Variants in RAB3C observed in about 807,000 individuals in gnomAD.
RAB3C encodes the protein ras-related protein Rab-3C.
A neutral mutation model predicts 26.4 loss-of-function variants in RAB3C; 17 were observed. The observed-to-expected ratio is 0.64, with a 90% CI of 0.44 to 0.97. The LOEUF is 0.97. RAB3C is among the 50% of genes least tolerant of loss of function. The probability of loss-of-function intolerance (pLI) is 0.00; values close to 1 mark genes in which losing one functional copy is unlikely to be tolerated. For missense variants in RAB3C, 242 were observed against 281.9 expected (o/e 0.86, Z 1.01); for synonymous variants, 91 against 95.9 (o/e 0.95, Z 0.30).
At chr5:58,698,151 C>G (rs1026392726) in intron 2 of RAB3C, among the ~76,000 whole-genome samples, 2 of 152,136 alleles carry the variant, frequency 1.3e-5, no homozygotes, top group Non-Finnish European at 2.9e-5. Flanking sequence ...ATTTGCTTGT[C>G]TGTAAAGGAT....
intron 3 of RAB3C, among the ~76,000 whole-genome samples, chr5:58,765,679 A>G (rs1741886360): frequency 6.6e-6 from 1 of 152,218 alleles, no homozygotes; most frequent in South Asian, 2.1e-4. Context: ...CTTTTAATGG[A>G]CATAAAATAT....
intron 4 of RAB3C, among the ~76,000 whole-genome samples, chr5:58,844,511 C>T (rs984748828): frequency 6.6e-6 from 1 of 152,176 alleles, no homozygotes; most frequent in Non-Finnish European, 1.5e-5. Context: ...TGGGCTGGGG[C>T]CCAGTAGAGG....
At chr5:58,611,269 T>C (rs1370345700) in intron 1 of RAB3C, among the ~76,000 whole-genome samples, 4 of 152,210 alleles carry the variant, frequency 2.6e-5, no homozygotes, top group Non-Finnish European at 4.4e-5. Flanking sequence ...CTGGGTCTAA[T>C]GGCATTTCTG....
intron 3 of RAB3C, among the ~76,000 whole-genome samples, chr5:58,746,359 CAGGACAACAA>C (rs1741403551): frequency 6.6e-6 from 1 of 152,128 alleles, no homozygotes; most frequent in Non-Finnish European, 1.5e-5. Context: ...CTTGGGGCTT[CAGGACAACAA>C]AGAACATCAC....
intron 3 of RAB3C, among the ~76,000 whole-genome samples, chr5:58,773,134 T>C (rs548594321): frequency 7.2e-5 from 11 of 152,296 alleles, no homozygotes; most frequent in African/African-American, 2.4e-4. Flanking sequence ...TAAGCCAACC[T>C]AGCTCAGCTT....
chr5:58,667,126 A>G (rs1168394157), intron 2 of RAB3C, among the ~76,000 whole-genome samples: 1 of 152,296 alleles, frequency 6.6e-6, no homozygotes, highest in Non-Finnish European at 1.5e-5. Context: ...TATCATATCA[A>G]TTGGAAACAA....
At chr5:58,639,392 A>C (rs1479210540) in intron 2 of RAB3C, among the ~76,000 whole-genome samples, 2 of 152,176 alleles carry the variant, frequency 1.3e-5, no homozygotes, top group Non-Finnish European at 2.9e-5. Flanking sequence ...CAAACAACAA[A>C]AATTATTTTC....
At chr5:58,584,630 A>G (rs1302380934) in intron 1 of RAB3C, among the ~76,000 whole-genome samples, 1 of 152,198 alleles carries the variant, frequency 6.6e-6, no homozygotes, top group East Asian at 1.9e-4. Flanking sequence ...GTAAACACTA[A>G]TTGTAGACTT....
chr5:58,781,391 A>G (rs1177096207), intron 3 of RAB3C, among the ~76,000 whole-genome samples: 2 of 152,014 alleles, frequency 1.3e-5, no homozygotes, highest in Admixed American at 1.3e-4. Flanking sequence ...TGTATTTCTG[A>G]GCATTTCCTT....
chr5:58,619,031 T>TA (rs1297105005), intron 2 of RAB3C, among the ~76,000 whole-genome samples: 2 of 152,160 alleles, frequency 1.3e-5, no homozygotes, highest in Non-Finnish European at 2.9e-5. Flanking sequence ...TAAAAATCTG[T>TA]ATAAACTGAA....
chr5:58,673,670 G>A (rs942554188), intron 2 of RAB3C, among the ~76,000 whole-genome samples: 4 of 152,294 alleles, frequency 2.6e-5, no homozygotes, highest in East Asian at 3.9e-4. Flanking sequence ...CATGGTTGAC[G>A]TGTGTGGTGT....
chr5:58,732,957 T>G (rs950378260), intron 3 of RAB3C, among the ~76,000 whole-genome samples: 6 of 152,188 alleles, frequency 3.9e-5, no homozygotes, highest in Admixed American at 2.0e-4. Context: ...CAAGCTAATT[T>G]ATTGTCATCA....
At chr5:58,631,779 A>G (rs980789888) in intron 2 of RAB3C, among the ~76,000 whole-genome samples, 2 of 152,226 alleles carry the variant, frequency 1.3e-5, no homozygotes, top group Admixed American at 6.5e-5. Flanking sequence ...ATTAACCTTC[A>G]GGTTAAGACA....
intron 3 of RAB3C, among the ~76,000 whole-genome samples, chr5:58,812,285 C>T (rs1048850256): frequency 6.6e-6 from 1 of 152,138 alleles, no homozygotes; most frequent in African/African-American, 2.4e-5. Flanking sequence ...ACTCCCACCT[C>T]TCCACTTCCC....
rs140464041 is a variant in RAB3C, at chr5:58,766,415, C to A, written c.371+40295C>A. ...ACAGGCATGAGCCACCGCACCTAGC[C>A]GAGTAGTTCTTTGTAGCAATGTGAG... On this transcript the variant is annotated intron_variant, in intron 3 of 4. Transcript: ENST00000282878. Among the ~76,000 whole-genome samples, 547 of 152,212 alleles carry A rather than the reference C, an allele frequency of 3.6e-3. 2 individuals are homozygous for A. The highest frequency in any genetic ancestry group is 0.012 in the African/African-American group (498 of 41,536).
chr5:58,717,254 G>T (rs890484657), intron 2 of RAB3C, among the ~76,000 whole-genome samples: 2 of 152,040 alleles, frequency 1.3e-5, no homozygotes, highest in Non-Finnish European at 2.9e-5. Flanking sequence ...TATTCTCAGC[G>T]ACTGGTAGTA....
At chr5:58,826,673 T>C (rs542197446) in intron 4 of RAB3C, among the ~76,000 whole-genome samples, 28 of 152,330 alleles carry the variant, frequency 1.8e-4, no homozygotes, top group African/African-American at 6.5e-4. Flanking sequence ...CTTGATGAGA[T>C]TCACTCTGTT....
At chr5:58,720,165 CTTGAG>C (rs1260252323) in intron 2 of RAB3C, among the ~76,000 whole-genome samples, 2 of 151,854 alleles carry the variant, frequency 1.3e-5, no homozygotes, top group African/African-American at 2.4e-5. Context: ...GGTGATATTA[CTTGAG>C]TTATGTTTCA....
At chr5:58,831,763 CA>C (rs527291654) in intron 4 of RAB3C, among the ~76,000 whole-genome samples, 3 of 151,670 alleles carry the variant, frequency 2.0e-5, no homozygotes, top group African/African-American at 7.3e-5. Flanking sequence ...GCTTATTTCT[CA>C]AAAAAATAAT....
Sources: allele counts gnomAD v4.1 joint callset (sites outside exome capture counted in the v4.1 genomes callset), GRCh38; gene constraint gnomAD v4.1.1; transcripts MANE v1.5; gene names NCBI Gene and HGNC (gene_info 2026-07-23, HGNC 2026-07-21).